Variants in RAPGEF4 observed in about 807,000 individuals in gnomAD.
The protein encoded by RAPGEF4 is Rap guanine nucleotide exchange factor 4, also known as RAP guanine-nucleotide-exchange factor (GEF) 4.
RAPGEF4 carries 66 observed loss-of-function variants against 147.9 expected under a neutral mutation model. The observed-to-expected ratio is 0.45, with a 90% CI of 0.37 to 0.55. The LOEUF is 0.55. Ranked by LOEUF, RAPGEF4 falls within the 20% of genes least tolerant of loss-of-function variation. RAPGEF4 has a pLI of 0.00. For synonymous variants in RAPGEF4, 419 were observed against 442.7 expected (o/e 0.95, Z 0.67); for missense variants, 1,071 against 1,257.3 (o/e 0.85, Z 2.24).
At chr2:172,910,282 C>T (rs1441730994) in intron 4 of RAPGEF4, among the ~76,000 whole-genome samples, 1 of 152,212 alleles carries the variant, frequency 6.6e-6, no homozygotes, top group African/African-American at 2.4e-5. Flanking sequence ...ACAGTTTCTC[C>T]ATTGCACCCC....
At chr2:173,027,911 G>C (rs1166071102) in intron 25 of RAPGEF4, among the ~76,000 whole-genome samples, 1 of 152,088 alleles carries the variant, frequency 6.6e-6, no homozygotes, top group African/African-American at 2.4e-5. Flanking sequence ...CATGTTTTTG[G>C]TATCACCACA....
In RAPGEF4 at chr2:172,797,622, G is replaced by A. The variant is rs531162833; in HGVS notation, c.297+9G>A. ...AGACCAGCAGTCACCAGGTAATATG[G>A]TCTATTTTTTTGAAAGTAGGATTTA... is the stretch of plus-strand genomic sequence containing the variant. On this transcript the variant is annotated intron_variant, in intron 3 of 30. Transcript: ENST00000397081. The A allele has an allele frequency of 1.4e-5, 22 of 1,602,648 alleles. No individual in the cohort carries two copies. In the South Asian group the frequency reaches 1.7e-4, roughly 12 times the overall value.
chr2:172,973,731 G>A lies in RAPGEF4; in HGVS notation c.1004+6287G>A, dbSNP rs553142933. Among the ~76,000 whole-genome samples the A allele has an allele frequency of 5.9e-5, 9 of 152,318 alleles. No homozygotes were observed. The South Asian group carries it at 1.9e-3, about 32-fold the overall frequency. ...GTGTGATCAGATTTGTAGTAGGTTGGTTTCTCTGCTATCTCCAGAGAATAG... is the reference window on the plus strand; with the variant it reads ...GTGTGATCAGATTTGTAGTAGGTTGATTTCTCTGCTATCTCCAGAGAATAG... On this transcript the variant is annotated intron_variant, in intron 10 of 30. Coordinates refer to ENST00000397081, the MANE Select transcript of RAPGEF4 (RefSeq NM_007023.4).
chr2:173,023,623 C>CAAA (rs1020822690), intron 23 of RAPGEF4, among the ~76,000 whole-genome samples: 2 of 152,200 alleles, frequency 1.3e-5, no homozygotes, highest in African/African-American at 4.8e-5. Context: ...AGTTGAGACT[C>CAAA]AACAGAGCTT....
chr2:172,995,137 C>G (rs529744097), intron 15 of RAPGEF4, among the ~76,000 whole-genome samples: 2 of 152,204 alleles, frequency 1.3e-5, no homozygotes, highest in African/African-American at 4.8e-5. Context: ...CTCTTGGGAT[C>G]TCAACACACC....
intron 6 of RAPGEF4, chr2:172,928,403 A>G (rs1021862508): frequency 5.8e-6 from 2 of 343,394 alleles, no homozygotes; most frequent in Non-Finnish European, 1.1e-5. Context: ...TAAATGGTAA[A>G]TAGGAAATGT....
rs71018521 is a variant in RAPGEF4 at position 172,831,266 on chromosome 2, C to CTTTTTTTTTTTTTTTTTTTTTTTTTTTTT, written c.444+16860_444+16861insTTTTTTTTTTTTTTTTTTTTTTTTTTTTT. Among the ~76,000 whole-genome samples, 129 of 53,890 alleles carry CTTTTTTTTTTTTTTTTTTTTTTTTTTTTT rather than the reference C, an allele frequency of 2.4e-3. 51 individuals carry two copies. Among genetic ancestry groups the CTTTTTTTTTTTTTTTTTTTTTTTTTTTTT allele is most frequent in the Non-Finnish European group, 3.5e-3 (97 of 28,098 alleles). 35.4% of individuals were successfully genotyped at this position (53,890 alleles called of 152,430 possible). A position where few individuals can be genotyped will look rare whatever the true frequency, so the allele number is the denominator to read the frequency against. On this transcript the variant is annotated intron_variant, in intron 4 of 30. Coordinates refer to ENST00000397081, the MANE Select transcript of RAPGEF4 (RefSeq NM_007023.4). ...AAATGTGACTGTTTCAGATAGAAAA[C>CTTTTTTTTTTTTTTTTTTTTTTTTTTTTT]TTTTTTTTTTTTTTTTTTTGAGACA...
At chr2:172,862,222 A>G (rs943492206) in intron 4 of RAPGEF4, among the ~76,000 whole-genome samples, 16 of 152,234 alleles carry the variant, frequency 1.1e-4, no homozygotes, top group Non-Finnish European at 2.4e-4. Context: ...TAGTTAGGAA[A>G]AAATAAATTG....
chr2:172,839,044 C>G (rs1387614904), intron 4 of RAPGEF4, among the ~76,000 whole-genome samples: 3 of 149,796 alleles, frequency 2.0e-5, no homozygotes, highest in East Asian at 2.0e-4. Flanking sequence ...TGACCCCTCC[C>G]CTAAAAGATC....
At chr2:172,986,129 C>G (rs902496438) in intron 12 of RAPGEF4, among the ~76,000 whole-genome samples, 1 of 152,242 alleles carries the variant, frequency 6.6e-6, no homozygotes, top group Non-Finnish European at 1.5e-5. Flanking sequence ...CTACAAAAAT[C>G]TGGCTGGAAC....
intron 1 of RAPGEF4, among the ~76,000 whole-genome samples, chr2:172,785,993 G>C (rs1413390734): frequency 2.0e-5 from 3 of 152,192 alleles, no homozygotes; most frequent in South Asian, 4.1e-4. Flanking sequence ...CCAAGCAACG[G>C]AAGTCATCGA....
chr2:172,979,790 T>C (rs1186573190), intron 10 of RAPGEF4, among the ~76,000 whole-genome samples: 1 of 152,072 alleles, frequency 6.6e-6, no homozygotes, highest in Non-Finnish European at 1.5e-5. Context: ...CTAAGGCGGG[T>C]GGAGCACCTG....
rs578127963 is a variant in RAPGEF4, at chr2:172,791,646, G to T, written c.66-3379G>T. Among the ~76,000 whole-genome samples, 5 of 152,212 alleles carry T rather than the reference G, an allele frequency of 3.3e-5. No homozygotes were observed. The East Asian group carries it at 9.7e-4, about 29-fold the overall frequency. ...TTAAATATTAAACAAGAATGACATC[G>T]TTAGGGCCTAATTTGGGGGCACACA... On this transcript the variant is annotated intron_variant, in intron 1 of 30. Transcript: ENST00000397081.
intron 1 of RAPGEF4, among the ~76,000 whole-genome samples, chr2:172,760,983 A>G (rs1018052762): frequency 6.6e-6 from 1 of 152,038 alleles, no homozygotes; most frequent in African/African-American, 2.4e-5. Flanking sequence ...TAAAGAAAAC[A>G]TACTTAAAAG....
chr2:173,011,170 G>GCACACACACACACACA (rs1553548086), intron 17 of RAPGEF4, among the ~76,000 whole-genome samples: 3 of 133,500 alleles, frequency 2.2e-5, no homozygotes, highest in African/African-American at 8.6e-5. Flanking sequence ...GCGCGCGCGC[G>GCACACACACACACACA]CACACACACA....
intron 1 of RAPGEF4, among the ~76,000 whole-genome samples, chr2:172,746,238 C>T (rs1401361175): frequency 6.6e-6 from 1 of 152,186 alleles, no homozygotes; most frequent in Non-Finnish European, 1.5e-5. Context: ...GTTTGGCTAT[C>T]ATTTGACCTT....
At chr2:172,755,476 C>A (rs2149452153) in intron 1 of RAPGEF4, among the ~76,000 whole-genome samples, 1 of 152,276 alleles carries the variant, frequency 6.6e-6, no homozygotes, top group African/African-American at 2.4e-5. Flanking sequence ...CTCACTGCAA[C>A]CTCTGCCTCT....
At chr2:172,906,625 G>A (rs1699659939) in intron 4 of RAPGEF4, among the ~76,000 whole-genome samples, 1 of 152,222 alleles carries the variant, frequency 6.6e-6, no homozygotes, top group Admixed American at 6.5e-5. Context: ...GTGGGAATGT[G>A]GTAGCCGCTG....
chr2:172,899,563 G>A (rs1698853444), intron 4 of RAPGEF4, among the ~76,000 whole-genome samples: 1 of 152,132 alleles, frequency 6.6e-6, no homozygotes, highest in Admixed American at 6.6e-5. Context: ...AAGCTATAAG[G>A]CTGACCCCTG....
Sources: allele counts gnomAD v4.1 joint callset (sites outside exome capture counted in the v4.1 genomes callset), GRCh38; gene constraint gnomAD v4.1.1; transcripts MANE v1.5; gene names NCBI Gene and HGNC (gene_info 2026-07-23, HGNC 2026-07-21).